KIAA1958: variants seen among roughly 807,000 people sequenced by gnomAD.
KIAA1958 encodes uncharacterized protein KIAA1958.
Under a neutral mutation model 47.2 loss-of-function variants are expected in KIAA1958, and 14 were observed. The observed-to-expected ratio is 0.30, with a 90% CI of 0.20 to 0.46. The LOEUF (loss-of-function observed/expected upper bound fraction) is 0.46, where lower values mean the gene tolerates loss of function less well. Among genes scored for constraint, KIAA1958 ranks in the 20% least tolerant of loss-of-function variants. The pLI, the probability that KIAA1958 is intolerant of heterozygous loss-of-function variation, is 1.00. For synonymous variants in KIAA1958, 354 were observed against 353.3 expected, an observed-to-expected ratio of 1.00 and a Z score of -0.02; for missense variants, 803 against 909.2, an observed-to-expected ratio of 0.88 and a Z score of 1.50.
intron 1 of KIAA1958, among the ~76,000 whole-genome samples, chr9:112,509,615 G>A (rs929164357): frequency 2.6e-5 from 4 of 152,190 alleles, no homozygotes; most frequent in Non-Finnish European, 5.9e-5. Context: ...AGGCAAAAAG[G>A]ATTATGGATG....
Position 112,528,094 on chromosome 9 carries a change from C to T in KIAA1958, c.-25+40976C>T, listed in dbSNP as rs375191307. Among the ~76,000 whole-genome samples the T allele has an allele frequency of 1.1e-4, 17 of 152,202 alleles. No homozygotes were observed. In the South Asian group the frequency reaches 3.5e-3, roughly 32 times the overall value. On this transcript the variant is annotated intron_variant, in intron 1 of 3. Transcript: ENST00000337530. ...ATTCACCTTCTTTGCATGATTTGTTCCCACAACCTTATACTTGATCATTCT... is the reference window on the plus strand; with the variant it reads ...ATTCACCTTCTTTGCATGATTTGTTTCCACAACCTTATACTTGATCATTCT...
chr9:112,503,523 C>A (rs1268565435), intron 1 of KIAA1958, among the ~76,000 whole-genome samples: 1 of 151,044 alleles, frequency 6.6e-6, no homozygotes, highest in Non-Finnish European at 1.5e-5. Flanking sequence ...GTCGTGCATA[C>A]CTGTAGTCCC....
chr9:112,526,546 G>A (rs1423016088), intron 1 of KIAA1958, among the ~76,000 whole-genome samples: 1 of 152,144 alleles, frequency 6.6e-6, no homozygotes, highest in Non-Finnish European at 1.5e-5. Context: ...TTGCCCAGCC[G>A]AGACTGGGCA....
At chr9:112,571,222 T>C (rs907087770) in intron 1 of KIAA1958, among the ~76,000 whole-genome samples, 1 of 152,224 alleles carries the variant, frequency 6.6e-6, no homozygotes, top group African/African-American at 2.4e-5. Context: ...AATTGACACC[T>C]GAATTTAAGT....
intron 1 of KIAA1958, among the ~76,000 whole-genome samples, chr9:112,510,255 A>G (rs1392595387): frequency 1.3e-5 from 2 of 152,104 alleles, no homozygotes; most frequent in Admixed American, 6.5e-5. Flanking sequence ...CCTACTTCCT[A>G]GGGTGGTTGT....
At chr9:112,624,528 TAAC>T (rs1239116260) in intron 2 of KIAA1958, among the ~76,000 whole-genome samples, 4 of 152,198 alleles carry the variant, frequency 2.6e-5, no homozygotes, top group Non-Finnish European at 4.4e-5. Flanking sequence ...TCTAGTGATA[TAAC>T]AACAGAAAAG....
intron 1 of KIAA1958, among the ~76,000 whole-genome samples, chr9:112,552,677 G>C (rs1351061039): frequency 3.3e-5 from 5 of 152,160 alleles, no homozygotes; most frequent in Admixed American, 6.5e-5. Context: ...CAAGGAAAAC[G>C]CTCCTCTTTC....
chr9:112,497,742 G>C (rs1240149355), intron 1 of KIAA1958, among the ~76,000 whole-genome samples: 3 of 151,858 alleles, frequency 2.0e-5, no homozygotes, highest in Non-Finnish European at 4.4e-5. Flanking sequence ...TGCAAACTTG[G>C]GGAGGTTCAA....
chr9:112,616,536 A>G (rs1033269036), intron 2 of KIAA1958, among the ~76,000 whole-genome samples: 2 of 152,240 alleles, frequency 1.3e-5, no homozygotes, highest in African/African-American at 4.8e-5. Context: ...CATAATTAAG[A>G]TAAACAAAAT....
intron 2 of KIAA1958, among the ~76,000 whole-genome samples, chr9:112,634,963 T>G (rs983594439): frequency 2.6e-5 from 4 of 152,212 alleles, no homozygotes; most frequent in African/African-American, 7.2e-5. Context: ...GGAATTTTTT[T>G]TTGTTTATGA....
At chr9:112,551,230 C>G (rs1038193514) in intron 1 of KIAA1958, among the ~76,000 whole-genome samples, 23 of 152,010 alleles carry the variant, frequency 1.5e-4, no homozygotes, top group African/African-American at 5.6e-4. Context: ...TTCATCATCC[C>G]CAAACTGAAA....
At position 112,570,012 on chromosome 9, in the gene KIAA1958, G is replaced by A. The variant is rs1342847538; in HGVS notation, c.-24-4045G>A. On this transcript the variant is annotated intron_variant, in intron 1 of 3. Transcript: ENST00000337530. ...TTCTAGAATTTTCAGATCTAACAGG[G>A]ACATGAATTGTATATAGTTGATAAA... is the stretch of plus-strand genomic sequence containing the variant. Among the ~76,000 whole-genome samples the A allele has an allele frequency of 4.6e-5, 7 of 152,172 alleles. No individual in the cohort carries two copies. In the South Asian group the frequency reaches 8.3e-4, roughly 18 times the overall value.
At chr9:112,560,326 G>A (rs1420718909) in intron 1 of KIAA1958, among the ~76,000 whole-genome samples, 1 of 150,236 alleles carries the variant, frequency 6.7e-6, no homozygotes, top group Non-Finnish European at 1.5e-5. Flanking sequence ...TCAGCCTCTC[G>A]AGTAGCTAGG....
chr9:112,517,590 A>G (rs181764559), intron 1 of KIAA1958, among the ~76,000 whole-genome samples: 90 of 152,340 alleles, frequency 5.9e-4, no homozygotes, highest in East Asian at 5.8e-3. Context: ...AATTTGATCA[A>G]TTGGACTTTA....
chr9:112,661,966 T>C lies in KIAA1958; in HGVS notation c.*1897T>C, dbSNP rs367865482. 32 of 152,358 alleles carry C rather than the reference T, an allele frequency of 2.1e-4. No individual in the cohort carries two copies. Among genetic ancestry groups the C allele is most frequent in the African/African-American group, 6.7e-4 (28 of 41,588 alleles). The allele number at this position is 152,358 out of a possible 1,614,324, so 9.4% of individuals were successfully genotyped here. A position where few individuals can be genotyped will look rare whatever the true frequency, so the allele number is the denominator to read the frequency against. Reference sequence around the variant, plus strand: ...ACTGAAATACAACCTATGTGAACTATTGGGCAAAGCCTGCAGCCTAATTAA... The same window carrying C: ...ACTGAAATACAACCTATGTGAACTACTGGGCAAAGCCTGCAGCCTAATTAA... On this transcript the variant is annotated 3_prime_UTR_variant, in exon 4 of 4. Coordinates refer to ENST00000337530, the MANE Select transcript of KIAA1958 (RefSeq NM_133465.4).
At chr9:112,643,987 G>A (rs1836936364) in intron 2 of KIAA1958, among the ~76,000 whole-genome samples, 1 of 152,124 alleles carries the variant, frequency 6.6e-6, no homozygotes, top group Non-Finnish European at 1.5e-5. Context: ...AGACCAGCCT[G>A]GCCAACATGA....
intron 1 of KIAA1958, among the ~76,000 whole-genome samples, chr9:112,563,247 C>T (rs189812472): frequency 2.0e-5 from 3 of 152,068 alleles, no homozygotes; most frequent in Admixed American, 2.0e-4. Flanking sequence ...ATAATAAAGT[C>T]TGAAGTCTTT....
chr9:112,575,295 C>A, intron 2 of KIAA1958, 44 bp downstream of exon 2: 1 of 1,343,028 alleles, frequency 7.4e-7, no homozygotes, highest in Non-Finnish European at 1.0e-6. Flanking sequence ...CCACGCACGC[C>A]AGAATTCTGC....
chr9:112,553,182 C>T (rs920682649), intron 1 of KIAA1958, among the ~76,000 whole-genome samples: 1 of 147,526 alleles, frequency 6.8e-6, no homozygotes, highest in Non-Finnish European at 1.5e-5. Flanking sequence ...TCCCCTCTCC[C>T]CTCCCCTTCT....
Sources: gnomAD v4.1 joint callset for allele counts (sites outside exome capture counted in the v4.1 genomes callset) on GRCh38, gnomAD v4.1.1 for gene constraint, MANE v1.5 for transcripts, NCBI Gene and HGNC (gene_info 2026-07-23, HGNC 2026-07-21) for gene names.